Variants in RASGEF1B observed in about 807,000 individuals in gnomAD.
RASGEF1B encodes RasGEF domain family member 1B.
A neutral mutation model predicts 65.7 loss-of-function variants in RASGEF1B; 30 were observed. The ratio of observed to expected loss-of-function variants is 0.46; its 90% confidence interval spans 0.34 to 0.62. RASGEF1B has a LOEUF of 0.62. Among genes scored for constraint, RASGEF1B ranks in the 20% least tolerant of loss-of-function variants. The probability of loss-of-function intolerance (pLI) is 0.01; values close to 1 mark genes in which losing one functional copy is unlikely to be tolerated. For missense variants in RASGEF1B, 495 were observed against 580.1 expected (o/e 0.85, Z 1.51); for synonymous variants, 175 against 194.8 (o/e 0.90, Z 0.85).
intron 10 of RASGEF1B, among the ~76,000 whole-genome samples, chr4:81,438,128 T>C (rs757818761): frequency 1.3e-5 from 2 of 152,110 alleles, no homozygotes; most frequent in South Asian, 2.1e-4. Flanking sequence ...AGGAGCAGAA[T>C]TGGAATGGCA....
chr4:81,438,633 C>CATACCT (rs1721727382), intron 10 of RASGEF1B, among the ~76,000 whole-genome samples: 4 of 152,278 alleles, frequency 2.6e-5, no homozygotes, highest in Admixed American at 6.5e-5. Context: ...ATACATGTGT[C>CATACCT]ATGGTGGTTT....
chr4:81,428,735 C>T (rs902778134), intron 13 of RASGEF1B, among the ~76,000 whole-genome samples: 1 of 152,046 alleles, frequency 6.6e-6, no homozygotes, highest in Non-Finnish European at 1.5e-5. Context: ...AGACTGATGG[C>T]CACAAGAAAA....
intron 1 of RASGEF1B, among the ~76,000 whole-genome samples, chr4:81,466,959 A>T (rs1722861849): frequency 6.6e-6 from 1 of 151,086 alleles, no homozygotes; most frequent in Admixed American, 6.6e-5. Context: ...AAAAAAAGAA[A>T]AAAAAGGTAT....
chr4:81,450,002 AT>A (rs1482481725), intron 4 of RASGEF1B, among the ~76,000 whole-genome samples: 8 of 152,322 alleles, frequency 5.3e-5, no homozygotes, highest in African/African-American at 1.9e-4. Context: ...AAAATCACTA[AT>A]GAAACATCTA....
At chr4:81,440,277 A>G (rs1398888721) in intron 10 of RASGEF1B, among the ~76,000 whole-genome samples, 1 of 152,196 alleles carries the variant, frequency 6.6e-6, no homozygotes, top group Non-Finnish European at 1.5e-5. Context: ...GCAGGATGGT[A>G]CTAACTTGTT....
At chr4:81,460,069 T>C (rs889459169) in intron 1 of RASGEF1B, among the ~76,000 whole-genome samples, 7 of 152,354 alleles carry the variant, frequency 4.6e-5, no homozygotes, top group Middle Eastern at 3.4e-3. Flanking sequence ...CAAGATTTCA[T>C]GTAGACTCTT....
chr4:81,439,357 C>G (rs1310555423), intron 10 of RASGEF1B, among the ~76,000 whole-genome samples: 1 of 152,000 alleles, frequency 6.6e-6, no homozygotes, highest in Admixed American at 6.6e-5. Flanking sequence ...CTGTTTAAAG[C>G]AAAACAAAAC....
intron 4 of RASGEF1B, chr4:81,451,601 C>A (rs1332467451): frequency 6.6e-6 from 1 of 152,110 alleles, no homozygotes; most frequent in Non-Finnish European, 1.5e-5. Context: ...GCCTCTTTTG[C>A]TTTGTATGAA....
rs1721999437 is a variant in RASGEF1B, at chr4:81,445,749, G to C, written c.819C>G (p.Ile273Met). ...NRLSYLVATE[I>M]CMPVKKKHRA... ...AGAAAATTCATTTCCTCACCATACA[G>C]ATTTCTGTAGCAACCAAGTAGCTGA... Residue 273 changes from isoleucine (I) to methionine (M), a missense_variant, in exon 7 of 14, where the codon ATC becomes ATG. By Grantham distance (10) the Ile-to-Met change is conservative. Coordinates refer to ENST00000264400, the MANE Select transcript of RASGEF1B (RefSeq NM_152545.3). 1 of 1,613,064 alleles carries C rather than the reference G, an allele frequency of 6.2e-7. No homozygotes were observed. Among genetic ancestry groups the C allele is most frequent in the African/African-American group, 1.3e-5 (1 of 74,908 alleles).
chr4:81,458,052 A>T (rs918872472), intron 2 of RASGEF1B, among the ~76,000 whole-genome samples: 7 of 152,336 alleles, frequency 4.6e-5, no homozygotes, highest in African/African-American at 1.7e-4. Context: ...ATAACAACAA[A>T]AAAACCTACC....
rs1456026610 is a variant in RASGEF1B, at chr4:81,442,897, AT to A, written c.929-522del. Among the ~76,000 whole-genome samples, 3 of 152,374 alleles carry A rather than the reference AT, an allele frequency of 2.0e-5. No individual in the cohort carries two copies. In the South Asian group the frequency reaches 6.2e-4, roughly 32 times the overall value. On this transcript the variant is annotated intron_variant, in intron 8 of 13. Transcript: ENST00000264400. The stretch of plus-strand genomic sequence containing the variant: ...CATAAAGAAACCAGTGACGGACCAT[AT>A]TTGACCCACGGGTCATAGTTTGCTG...
chr4:81,430,299 TCAAA>T (rs759206728), intron 13 of RASGEF1B, among the ~76,000 whole-genome samples: 3 of 152,102 alleles, frequency 2.0e-5, no homozygotes, highest in Admixed American at 6.5e-5. Flanking sequence ...AGACTTCGTC[TCAAA>T]CAAACAAACA....
rs193053266 is a variant in RASGEF1B, at chr4:81,465,997, T to C, written c.-7+5773A>G. 2.6e-5 allele frequency among the ~76,000 whole-genome samples: 4 copies of C among 152,356 alleles called. No homozygotes were observed. The East Asian group carries it at 7.7e-4, about 29-fold the overall frequency. The stretch of plus-strand genomic sequence containing the variant: ...TTGGTGAAATATTTAATAAATCCAA[T>C]GCCTTGATGTTGACCATAATATTTT... On this transcript the variant is annotated intron_variant, in intron 1 of 13. Transcript: ENST00000264400.
intron 4 of RASGEF1B, among the ~76,000 whole-genome samples, chr4:81,449,093 T>A (rs1368700021): frequency 6.6e-6 from 1 of 152,210 alleles, no homozygotes; most frequent in Non-Finnish European, 1.5e-5. Flanking sequence ...ATTACAGGCA[T>A]AAGCCACCGC....
chr4:81,436,871 G>C (rs1721648255), intron 10 of RASGEF1B, among the ~76,000 whole-genome samples: 1 of 152,118 alleles, frequency 6.6e-6, no homozygotes, highest in African/African-American at 2.4e-5. Context: ...TAACCAAAAT[G>C]AATCTTCTGT....
intron 1 of RASGEF1B, among the ~76,000 whole-genome samples, chr4:81,460,821 C>T (rs1193860940): frequency 6.6e-6 from 1 of 152,146 alleles, no homozygotes; most frequent in African/African-American, 2.4e-5. Context: ...GTACTTTGTC[C>T]CCTCCACAAA....
In RASGEF1B at chr4:81,459,326, A is replaced by C. The variant is rs774566935; in HGVS notation, c.177+6T>G. 1.3e-6 allele frequency: 2 copies of C among 1,572,546 alleles called. No homozygotes were observed. Among genetic ancestry groups the C allele is most frequent in the Admixed American group, 3.9e-5 (2 of 51,538 alleles). ...GGATGTGTTTCAGAGAAACATGAAT[A>C]CCTACATCTGGATAGTAATCCACAT... is the stretch of plus-strand genomic sequence containing the variant. On this transcript the variant is annotated splice_donor_region_variant and intron_variant, in intron 2 of 13. Coordinates refer to ENST00000264400, the MANE Select transcript of RASGEF1B (RefSeq NM_152545.3).
chr4:81,453,232 A>AG (rs1319735106), intron 4 of RASGEF1B: 1 of 152,124 alleles, frequency 6.6e-6, no homozygotes, highest in Non-Finnish European at 1.5e-5. Flanking sequence ...TGGGGTCTAG[A>AG]GGGGAAAACA....
chr4:81,428,235 T>C (rs1324212224), intron 13 of RASGEF1B, among the ~76,000 whole-genome samples: 1 of 152,204 alleles, frequency 6.6e-6, no homozygotes, highest in Non-Finnish European at 1.5e-5. Flanking sequence ...CTGCCACTGA[T>C]GAATCTACGT....
Sources: allele counts gnomAD v4.1 joint callset (sites outside exome capture counted in the v4.1 genomes callset), GRCh38; gene constraint gnomAD v4.1.1; transcripts MANE v1.5; gene names NCBI Gene and HGNC (gene_info 2026-07-23, HGNC 2026-07-21).